The following ZBTB20 variants were observed in gnomAD, a reference collection of about 807,000 sequenced individuals.
ZBTB20 encodes the protein zinc finger and BTB domain-containing protein 20.
In ZBTB20, 9 loss-of-function variants were observed where a neutral mutation model predicts 56.9. That is an observed-to-expected ratio of 0.16 (90% confidence interval 0.10 to 0.28). The LOEUF (loss-of-function observed/expected upper bound fraction) is 0.28, where lower values mean the gene tolerates loss of function less well. Ranked by LOEUF, ZBTB20 falls within the 10% of genes least tolerant of loss-of-function variation. The probability of loss-of-function intolerance (pLI) is 1.00; values close to 1 mark genes in which losing one functional copy is unlikely to be tolerated. For synonymous variants in ZBTB20, 417 were observed against 420.7 expected, an observed-to-expected ratio of 0.99 and a Z score of 0.11; for missense variants, 655 against 1,003.0, an observed-to-expected ratio of 0.65 and a Z score of 4.69.
chr3:115,093,527 TTC>T (rs1344507437), intron 1 of ZBTB20, among the ~76,000 whole-genome samples: 7 of 152,176 alleles, frequency 4.6e-5, no homozygotes, highest in East Asian at 1.9e-4. Context: ...GCTAGAAAAG[TTC>T]TTTTTGTTTT....
At chr3:115,047,438 CA>C (rs1286363929) in intron 2 of ZBTB20, among the ~76,000 whole-genome samples, 1 of 152,182 alleles carries the variant, frequency 6.6e-6, no homozygotes, top group African/African-American at 2.4e-5. Flanking sequence ...CTCACACCTC[CA>C]TGTTCACTTT....
chr3:114,494,860 AG>A (rs1237799819), intron 7 of ZBTB20, among the ~76,000 whole-genome samples: 1 of 152,234 alleles, frequency 6.6e-6, no homozygotes, highest in Admixed American at 6.5e-5. Context: ...ATTTTTCAAT[AG>A]GTTTAGAATT....
chr3:114,622,331 T>G (rs1007946860), intron 6 of ZBTB20, among the ~76,000 whole-genome samples: 5 of 152,152 alleles, frequency 3.3e-5, no homozygotes, highest in African/African-American at 1.2e-4. Flanking sequence ...ACAAGATAAC[T>G]AATGAAAATT....
intron 5 of ZBTB20, among the ~76,000 whole-genome samples, chr3:114,764,331 G>A (rs1478192251): frequency 6.6e-6 from 1 of 151,128 alleles, no homozygotes; most frequent in Non-Finnish European, 1.5e-5. Context: ...TATGCTCACT[G>A]TGGCAGAAGT....
chr3:114,651,326 C>A (rs1029376974), intron 6 of ZBTB20, among the ~76,000 whole-genome samples: 8 of 151,698 alleles, frequency 5.3e-5, no homozygotes, highest in African/African-American at 1.9e-4. Context: ...CTAAAAACAA[C>A]AATAAAAAAG....
chr3:114,932,040 T>G (rs1184040068), intron 3 of ZBTB20, among the ~76,000 whole-genome samples: 1 of 152,230 alleles, frequency 6.6e-6, no homozygotes, highest in Non-Finnish European at 1.5e-5. Flanking sequence ...CTAGACATCC[T>G]ATTTTTGTTG....
At chr3:114,696,369 T>C (rs2063012185) in intron 5 of ZBTB20, among the ~76,000 whole-genome samples, 1 of 152,034 alleles carries the variant, frequency 6.6e-6, no homozygotes. Flanking sequence ...TAGTTCCTCC[T>C]CACACACTAA....
At chr3:115,062,765 A>G (rs1218368771) in intron 2 of ZBTB20, among the ~76,000 whole-genome samples, 1 of 152,198 alleles carries the variant, frequency 6.6e-6, no homozygotes, top group African/African-American at 2.4e-5. Flanking sequence ...AAAGTGCCTC[A>G]TATTAGCTAC....
At chr3:114,483,263 C>T (rs890887009) in intron 7 of ZBTB20, among the ~76,000 whole-genome samples, 1 of 151,976 alleles carries the variant, frequency 6.6e-6, no homozygotes, top group Non-Finnish European at 1.5e-5. Context: ...TTCCTCATAT[C>T]TTTCATGATA....
chr3:114,600,614 A>G (rs567953983), intron 6 of ZBTB20, among the ~76,000 whole-genome samples: 1 of 152,140 alleles, frequency 6.6e-6, no homozygotes, highest in South Asian at 2.1e-4. Flanking sequence ...TTTCCATCAT[A>G]TTATTAATAA....
intron 4 of ZBTB20, among the ~76,000 whole-genome samples, chr3:114,890,571 G>C (rs1560367559): frequency 6.6e-6 from 1 of 152,058 alleles, no homozygotes; most frequent in Non-Finnish European, 1.5e-5. Context: ...TGGACACAGG[G>C]TGGGGAACAT....
intron 3 of ZBTB20, among the ~76,000 whole-genome samples, chr3:114,954,772 T>C (rs949383041): frequency 3.3e-5 from 5 of 152,190 alleles, no homozygotes; most frequent in Non-Finnish European, 7.3e-5. Flanking sequence ...CTGCAAATAC[T>C]GTTAGAGGCC....
intron 5 of ZBTB20, among the ~76,000 whole-genome samples, chr3:114,795,228 A>C (rs1328579152): frequency 6.6e-6 from 1 of 152,090 alleles, no homozygotes; most frequent in Non-Finnish European, 1.5e-5. Context: ...TTTAAAATAA[A>C]TGTATGGATT....
At chr3:114,497,284 T>C (rs1223031087) in intron 7 of ZBTB20, among the ~76,000 whole-genome samples, 2 of 152,128 alleles carry the variant, frequency 1.3e-5, no homozygotes, top group African/African-American at 4.8e-5. Flanking sequence ...TACATCTGCT[T>C]ACAATTCTTC....
intron 3 of ZBTB20, chr3:114,931,407 C>T (rs2076357091): frequency 4.4e-6 from 1 of 228,328 alleles, no homozygotes; most frequent in Non-Finnish European, 8.7e-6. Context: ...CAACAGCAGC[C>T]AGTCCACCAG....
At chr3:114,757,962 ATTAG>A (rs2068126141) in intron 5 of ZBTB20, among the ~76,000 whole-genome samples, 1 of 152,104 alleles carries the variant, frequency 6.6e-6, no homozygotes, top group Non-Finnish European at 1.5e-5. Flanking sequence ...GCAATTATTA[ATTAG>A]TTAATTTAGT....
chr3:114,457,667 A>G (rs79087995), intron 7 of ZBTB20, among the ~76,000 whole-genome samples: 2,349 of 152,304 alleles, frequency 0.015, 38 homozygotes, highest in South Asian at 0.079. Context: ...CAGTCTGCTA[A>G]GGACTTTACA....
intron 3 of ZBTB20, among the ~76,000 whole-genome samples, chr3:114,903,484 C>T (rs1451594947): frequency 6.6e-6 from 1 of 152,010 alleles, no homozygotes; most frequent in Non-Finnish European, 1.5e-5. Context: ...TACAGTCCAG[C>T]AGCTCATCCA....
chr3:114,884,253 A>T (rs626436), intron 4 of ZBTB20, among the ~76,000 whole-genome samples: 131,799 of 152,074 alleles, frequency 0.87, 58,153 homozygotes, highest in East Asian at 0.99. Flanking sequence ...CACCATAGGT[A>T]CATTTGTAAA....
Sources: gnomAD v4.1 joint callset for allele counts (sites outside exome capture counted in the v4.1 genomes callset) on GRCh38, gnomAD v4.1.1 for gene constraint, MANE v1.5 for transcripts, NCBI Gene and HGNC (gene_info 2026-07-23, HGNC 2026-07-21) for gene names.